The following SORCS3 variants were observed in gnomAD, a reference collection of about 807,000 sequenced individuals.
SORCS3 encodes VPS10 domain-containing receptor SorCS3.
In SORCS3, 57 loss-of-function variants were observed where a neutral mutation model predicts 146.3. The observed-to-expected ratio is 0.39, with a 90% confidence interval of 0.31 to 0.49. SORCS3 has a LOEUF of 0.49. Ranked by LOEUF, SORCS3 falls within the 20% of genes least tolerant of loss-of-function variation. The pLI is 0.92. For synonymous variants in SORCS3, 653 were observed against 618.5 expected (o/e 1.06, Z -0.83); for missense variants, 1,341 against 1,575.5 (o/e 0.85, Z 2.52).
chr10:104,743,821 G>A (rs1046975762), intron 1 of SORCS3, among the ~76,000 whole-genome samples: 1 of 152,180 alleles, frequency 6.6e-6, no homozygotes, highest in Non-Finnish European at 1.5e-5. Flanking sequence ...TGAGGACTTG[G>A]AAGCGAGGTT....
At chr10:104,824,072 G>A (rs879686345) in intron 1 of SORCS3, among the ~76,000 whole-genome samples, 6 of 152,150 alleles carry the variant, frequency 3.9e-5, no homozygotes, top group Non-Finnish European at 8.8e-5. Context: ...GCCCCCACAA[G>A]GAATGTAGAA....
At chr10:104,993,114 T>C (rs539923183) in intron 4 of SORCS3, among the ~76,000 whole-genome samples, 3 of 152,298 alleles carry the variant, frequency 2.0e-5, no homozygotes, top group Admixed American at 2.0e-4. Flanking sequence ...TCAAAGGACA[T>C]CATAGATCTG....
intron 16 of SORCS3, among the ~76,000 whole-genome samples, chr10:105,208,424 A>G (rs1406710106): frequency 6.6e-6 from 1 of 151,732 alleles, no homozygotes; most frequent in Non-Finnish European, 1.5e-5. Flanking sequence ...TCTGGGAACT[A>G]ACAAATTAAT....
In SORCS3 at chr10:104,733,880, C is replaced by T. The variant is rs77810259; in HGVS notation, c.627+91926C>T. 3.7e-4 allele frequency among the ~76,000 whole-genome samples: 56 copies of T among 152,180 alleles called. 1 individual carries two copies. In the East Asian group the frequency reaches 8.5e-3, roughly 23 times the overall value. ...GGCTGTTCTTTTTTCAGCATCCCCT[C>T]GGAACGAAAAGATGGGGGTTATGAT... On this transcript the variant is annotated intron_variant, in intron 1 of 26. Coordinates refer to ENST00000369701, the MANE Select transcript of SORCS3 (RefSeq NM_014978.3).
At chr10:104,940,234 ATATATTTTTTT>A (rs1372151199) in intron 3 of SORCS3, among the ~76,000 whole-genome samples, 3,108 of 24,042 alleles carry the variant, frequency 0.13, 47 homozygotes, top group African/African-American at 0.2. Flanking sequence ...ATATATATAT[ATATATTTTTTT>A]TTTTTTTTTT....
intron 20 of SORCS3, among the ~76,000 whole-genome samples, chr10:105,237,103 G>A (rs1253572886): frequency 1.3e-5 from 2 of 152,118 alleles, no homozygotes; most frequent in Non-Finnish European, 2.9e-5. Context: ...ATGAAATGCT[G>A]CACAAATACC....
At chr10:105,134,549 A>T (rs1425151684) in intron 7 of SORCS3, among the ~76,000 whole-genome samples, 1 of 125,282 alleles carries the variant, frequency 8.0e-6, no homozygotes, top group Non-Finnish European at 1.8e-5. Flanking sequence ...TAGAAGGGAC[A>T]AAAAGGAAAA....
At chr10:105,153,918 A>G (rs2056186453) in intron 9 of SORCS3, among the ~76,000 whole-genome samples, 1 of 151,840 alleles carries the variant, frequency 6.6e-6, no homozygotes, top group Non-Finnish European at 1.5e-5. Flanking sequence ...AAAATACAAA[A>G]AAATAACTGG....
At chr10:104,888,780 A>G (rs1033891969) in intron 2 of SORCS3, among the ~76,000 whole-genome samples, 5 of 152,218 alleles carry the variant, frequency 3.3e-5, no homozygotes, top group Non-Finnish European at 7.3e-5. Flanking sequence ...GGGAGGATCT[A>G]TGTTACACAG....
chr10:104,765,070 G>A (rs1029728258), intron 1 of SORCS3, among the ~76,000 whole-genome samples: 2 of 152,228 alleles, frequency 1.3e-5, no homozygotes, highest in Admixed American at 1.3e-4. Flanking sequence ...CCAACAGCCA[G>A]AGACTCCTAT....
At chr10:105,197,851 T>G (rs2119607992) in intron 14 of SORCS3, among the ~76,000 whole-genome samples, 1 of 152,296 alleles carries the variant, frequency 6.6e-6, no homozygotes, top group South Asian at 2.1e-4. Context: ...GAGGGCTTCC[T>G]CCAGCTTTAT....
Position 105,178,254 on chromosome 10 carries a change from G to A in SORCS3, c.2009+81G>A, listed in dbSNP as rs536228190. 1.3e-5 allele frequency: 15 copies of A among 1,134,098 alleles called. No homozygotes were observed. The South Asian group carries it at 2.0e-4, about 15-fold the overall frequency. The allele number at this position is 1,134,098 out of a possible 1,614,324, so 70.3% of individuals were successfully genotyped here. On this transcript the variant is annotated intron_variant, in intron 14 of 26. Transcript: ENST00000369701. ...CATTGAGGCCTTGGATTTTTCCCAG[G>A]GAACCCTACACCAAAGTGGTCCAAT...
At chr10:104,728,468 G>A (rs1196304929) in intron 1 of SORCS3, among the ~76,000 whole-genome samples, 1 of 152,172 alleles carries the variant, frequency 6.6e-6, no homozygotes, top group Non-Finnish European at 1.5e-5. Flanking sequence ...GAGTTTGTGT[G>A]TGTCAGGGAT....
At chr10:104,980,714 G>A (rs138431271) in intron 4 of SORCS3, among the ~76,000 whole-genome samples, 97 of 152,224 alleles carry the variant, frequency 6.4e-4, no homozygotes, top group Admixed American at 4.6e-4. Context: ...AGGCTATCTC[G>A]TTATGTTGTA....
At chr10:104,931,632 ATC>A (rs767687246) in intron 3 of SORCS3, among the ~76,000 whole-genome samples, 15 of 152,304 alleles carry the variant, frequency 9.8e-5, no homozygotes, top group African/African-American at 1.9e-4. Flanking sequence ...CCAAACAGAA[ATC>A]TCAACCTCTA....
rs71022753 is a variant in SORCS3 at position 105,129,331 on chromosome 10, CTTT to C, written c.1213-10042_1213-10040del. 4.0e-3 allele frequency among the ~76,000 whole-genome samples: 420 copies of C among 104,546 alleles called. 4 individuals are homozygous for C. The highest frequency in any genetic ancestry group is 0.011 in the African/African-American group (289 of 25,620). The allele number at this position is 104,546 out of a possible 152,430, so 68.6% of individuals were successfully genotyped here. A position where few individuals can be genotyped will look rare whatever the true frequency, so the allele number is the denominator to read the frequency against. ...CTTTCTCTTTTCTTTCTTTCTTTCTCTTTTTTTTTTTTTTTTTTTTTTTTTTAC... is the reference window on the plus strand; with the variant it reads ...CTTTCTCTTTTCTTTCTTTCTTTCTCTTTTTTTTTTTTTTTTTTTTTTTAC... On this transcript the variant is annotated intron_variant, in intron 7 of 26. Transcript: ENST00000369701.
chr10:104,700,628 TC>T (rs2016269328), intron 1 of SORCS3, among the ~76,000 whole-genome samples: 2 of 145,812 alleles, frequency 1.4e-5, no homozygotes, highest in South Asian at 4.7e-4. Context: ...GAGAGCAGTT[TC>T]CGAAGGAAGG....
chr10:104,992,529 G>T (rs145394589), intron 4 of SORCS3, among the ~76,000 whole-genome samples: 29 of 152,356 alleles, frequency 1.9e-4, no homozygotes, highest in Middle Eastern at 3.4e-3. Flanking sequence ...AAATCTTCCT[G>T]AAGTTTATCA....
intron 19 of SORCS3, among the ~76,000 whole-genome samples, chr10:105,222,737 T>G (rs2056711383): frequency 6.6e-6 from 1 of 152,214 alleles, no homozygotes; most frequent in Non-Finnish European, 1.5e-5. Context: ...TTCCATACAA[T>G]ACACTGACCC....
Sources: gnomAD v4.1 joint callset for allele counts (sites outside exome capture counted in the v4.1 genomes callset) on GRCh38, gnomAD v4.1.1 for gene constraint, MANE v1.5 for transcripts, NCBI Gene and HGNC (gene_info 2026-07-23, HGNC 2026-07-21) for gene names.